SACS: variants seen among roughly 807,000 people sequenced by gnomAD.
SACS encodes the protein sacsin.
A neutral mutation model predicts 348.0 loss-of-function variants in SACS; 197 were observed. That is an observed-to-expected ratio of 0.57 (90% CI 0.50 to 0.64). SACS has a LOEUF of 0.64. Among genes scored for constraint, SACS ranks in the 30% least tolerant of loss-of-function variants. The probability of loss-of-function intolerance (pLI) is 0.00; values close to 1 mark genes in which losing one functional copy is unlikely to be tolerated. For synonymous variants in SACS, 1,985 were observed against 1,910.6 expected (o/e 1.04, Z -1.02); for missense variants, 4,999 against 5,360.8 (o/e 0.93, Z 2.11).
At chr13:23,429,715 G>A (rs1050923901) in intron 1 of SACS, among the ~76,000 whole-genome samples, 5 of 152,078 alleles carry the variant, frequency 3.3e-5, no homozygotes, top group Admixed American at 6.6e-5. Context: ...GGAGGAAGCT[G>A]AGGCTGCAAG....
chr13:23,409,673 T>TA (rs1873405384), intron 2 of SACS, among the ~76,000 whole-genome samples: 2 of 152,104 alleles, frequency 1.3e-5, no homozygotes, highest in Non-Finnish European at 2.9e-5. Context: ...TGTATTTTTT[T>TA]AAAAAAGACT....
chr13:23,400,642 G>C (rs963892709), intron 2 of SACS, among the ~76,000 whole-genome samples: 1 of 152,108 alleles, frequency 6.6e-6, no homozygotes, highest in Non-Finnish European at 1.5e-5. Flanking sequence ...GGATGGTCTC[G>C]ATCTCCTGAC....
intron 6 of SACS, among the ~76,000 whole-genome samples, chr13:23,364,640 T>A (rs1331150455): frequency 1.3e-5 from 2 of 152,066 alleles, no homozygotes; most frequent in Admixed American, 6.5e-5. Context: ...GGAGTAGAAG[T>A]GAGATATTAG....
At chr13:23,386,662 T>C (rs116533764) in intron 2 of SACS, among the ~76,000 whole-genome samples, 1 of 152,364 alleles carries the variant, frequency 6.6e-6, no homozygotes, top group African/African-American at 2.4e-5. Flanking sequence ...CATTCACAAC[T>C]TGACTGTTTG....
At chr13:23,350,811 G>A (rs190159132) in intron 9 of SACS, among the ~76,000 whole-genome samples, 16 of 152,192 alleles carry the variant, frequency 1.1e-4, no homozygotes, top group African/African-American at 3.9e-4. Flanking sequence ...TCCCCCAATA[G>A]GCCCCATACC....
chr13:23,424,038 C>A (rs1357366142), intron 1 of SACS, among the ~76,000 whole-genome samples: 2 of 152,198 alleles, frequency 1.3e-5, no homozygotes, highest in East Asian at 3.9e-4. Flanking sequence ...AAGTTTCAAA[C>A]ATGTTTTGTA....
At chr13:23,381,253 A>T (rs538107790) in intron 2 of SACS, among the ~76,000 whole-genome samples, 109 of 152,130 alleles carry the variant, frequency 7.2e-4, no homozygotes, top group African/African-American at 2.5e-3. Context: ...CGCAGTGCTC[A>T]TCAGGGCCCA....
chr13:23,352,511 G>A (rs9550959), intron 9 of SACS, among the ~76,000 whole-genome samples: 34,570 of 152,026 alleles, frequency 0.23, 4,579 homozygotes, highest in South Asian at 0.34. Flanking sequence ...AATCTTCTGC[G>A]TTCTGATCTA....
Position 23,336,566 on chromosome 13 carries a change from CTAA to C in SACS, c.7307_7309del (p.Ile2436del). On this transcript the variant is annotated inframe_deletion, in exon 10 of 10. Coordinates refer to ENST00000382292, the MANE Select transcript of SACS (RefSeq NM_014363.6). ...CTCACAAAATTCTTGTTTCTTTTCT[CTAA>C]TGAGACTCCATATTCCTTCACTGAT... 6.2e-7 allele frequency: 1 copy of C among 1,613,690 alleles called. No homozygotes were observed. The highest frequency in any genetic ancestry group is 8.5e-7 in the Non-Finnish European group (1 of 1,179,790).
At position 23,339,881 on chromosome 13, in the gene SACS, A is replaced by G. The variant is rs1869039080; in HGVS notation, c.3995T>C (p.Ile1332Thr). 2 of 1,614,020 alleles carry G rather than the reference A, an allele frequency of 1.2e-6. No homozygotes were observed. The highest frequency in any genetic ancestry group is 8.5e-7 in the Non-Finnish European group (1 of 1,179,984). The change falls in exon 10 of 10, where the codon ATT (isoleucine) becomes ACT (threonine). Residue 1332 changes from isoleucine to threonine, a missense_variant. Coordinates refer to ENST00000382292, the MANE Select transcript of SACS (RefSeq NM_014363.6). ...ATATATCTTCTGAATAACCATGGAA[A>G]TATGATCTGATGTCAACTCCTCTAT... The part of the protein sequence containing the change: ...GSIEELTSDH[I>T]SMVIQKIYLK...
Position 23,336,113 on chromosome 13 carries a change from A to G in SACS, c.7763T>C (p.Leu2588Pro), listed in dbSNP as rs1555251328. 1 of 1,611,204 alleles carries G rather than the reference A, an allele frequency of 6.2e-7. No homozygotes were observed. Among genetic ancestry groups the G allele is most frequent in the Non-Finnish European group, 8.5e-7 (1 of 1,177,876 alleles). Reference sequence around the variant, plus strand: ...AAATGGCTGGTTGTTGTACACACAAAGTGCTGGCCCTTGCAATGGGGCCCA... The same window carrying G: ...AAATGGCTGGTTGTTGTACACACAAGGTGCTGGCCCTTGCAATGGGGCCCA... ...DKWAPLQGPALCVYNNQPFTE... is the reference protein window; with the variant it reads ...DKWAPLQGPAPCVYNNQPFTE... The change falls in exon 10 of 10, where the codon CTT (leucine) becomes CCT (proline). Residue 2588 changes from leucine to proline, a missense_variant. By Grantham distance (98) the Leu-to-Pro change is moderately conservative. Coordinates refer to ENST00000382292, the MANE Select transcript of SACS (RefSeq NM_014363.6).
At position 23,333,066 on chromosome 13, in the gene SACS, C is replaced by T; in HGVS notation, c.10810G>A (p.Ala3604Thr). The T allele has an allele frequency of 1.2e-6, 2 of 1,613,928 alleles. No individual in the cohort carries two copies. The highest frequency in any genetic ancestry group is 1.3e-5 in the African/African-American group (1 of 75,036). The change falls in exon 10 of 10, where the codon GCT becomes ACT. Residue 3604 changes from alanine to threonine, a missense_variant. Ala to Thr is a moderately conservative substitution (Grantham distance 58, BLOSUM62 0). Around this residue, in one of 6 missense-constraint regions of SACS, gnomAD observed 831 missense variants for 941.8 expected, o/e 0.88. Coordinates refer to ENST00000382292, the MANE Select transcript of SACS (RefSeq NM_014363.6). ...ILSQQQLLQF[A>T]KEISVRANTE... ...TTAGCCCTCACACTGATTTCCTTAG[C>T]AAACTGTAACAACTGCTGCTGAGAA...
chr13:23,373,602 C>G (rs1429978186), intron 3 of SACS: 2 of 152,806 alleles, frequency 1.3e-5, no homozygotes, highest in Non-Finnish European at 2.9e-5. Context: ...ATGGTGAACA[C>G]CGTCCCCCCG....
chr13:23,339,410 T>C lies in SACS; in HGVS notation c.4466A>G (p.Asn1489Ser), dbSNP rs147099630. Residue 1489 changes from asparagine to serine, a missense_variant, in exon 10 of 10, where the codon AAT becomes AGT. Physicochemically the swap from Asn to Ser is conservative, Grantham distance 46 (BLOSUM62 1). Around this residue, in one of 6 missense-constraint regions of SACS, gnomAD observed 3,156 missense variants for 3,380.1 expected, o/e 0.93. Transcript: ENST00000382292. The part of the protein sequence containing the change: ...KELLQNADDA[N>S]ATECSFLIDM... ...AATCAAGAAACTGCATTCTGTTGCATTTGCATCATCAGCGTTTTGAAGTAG... is the reference window on the plus strand; with the variant it reads ...AATCAAGAAACTGCATTCTGTTGCACTTGCATCATCAGCGTTTTGAAGTAG... 7.7e-3 allele frequency: 12,414 copies of C among 1,610,306 alleles called. 117 individuals carry two copies. The highest frequency in any genetic ancestry group is 0.029 in the South Asian group (2,604 of 89,976).
At chr13:23,419,399 T>C (rs902321950) in intron 1 of SACS, 4 of 152,280 alleles carry the variant, frequency 2.6e-5, no homozygotes, top group Non-Finnish European at 4.4e-5. Flanking sequence ...GTGTTAAGGG[T>C]GGCCTTAGCA....
intron 1 of SACS, among the ~76,000 whole-genome samples, chr13:23,432,437 G>A (rs1874468555): frequency 6.6e-6 from 1 of 152,140 alleles, no homozygotes. Context: ...GGATGAAAGG[G>A]ACGGCTAAGG....
chr13:23,419,286 G>A (rs992783809), intron 1 of SACS: 15 of 152,604 alleles, frequency 9.8e-5, no homozygotes, highest in Middle Eastern at 3.4e-3. Context: ...CAGGGACTGC[G>A]GGAAGCTTCG....
Position 23,338,557 on chromosome 13 carries a change from C to T in SACS, c.5319G>A (p.Arg1773=), listed in dbSNP as rs1455125330. The stretch of plus-strand genomic sequence containing the variant: ...AAAGTGGCGACTGTAAATCAGCAAT[C>T]CTTCTGAACACATGGTGAAATTCTT... ...TVEEFHHVFR[R]IADLQSPLFR... is the part of the protein sequence containing the mutation. The change falls in exon 10 of 10, where the codon AGG becomes AGA. Residue 1773 remains arginine, a synonymous_variant. Coordinates refer to ENST00000382292, the MANE Select transcript of SACS (RefSeq NM_014363.6). 1 of 1,613,952 alleles carries T rather than the reference C, an allele frequency of 6.2e-7. No individual in the cohort carries two copies. The highest frequency in any genetic ancestry group is 1.3e-5 in the African/African-American group (1 of 74,920).
chr13:23,351,395 C>T (rs530786143), intron 9 of SACS, among the ~76,000 whole-genome samples: 15 of 152,124 alleles, frequency 9.9e-5, no homozygotes, highest in Non-Finnish European at 1.5e-4. Context: ...GGGAAGGACC[C>T]GGTGGGAGAT....
Sources: gnomAD v4.1 joint callset for allele counts (sites outside exome capture counted in the v4.1 genomes callset) on GRCh38, gnomAD v4.1.1 for gene constraint, gnomAD v4.1.1 regional missense constraint, MANE v1.5 for transcripts, NCBI Gene and HGNC (gene_info 2026-07-23, HGNC 2026-07-21) for gene names.